Variants in CLCA2 observed in about 807,000 individuals in gnomAD.
CLCA2 encodes chloride channel accessory 2, also known as calcium-activated chloride channel regulator 2.
A neutral mutation model predicts 82.9 loss-of-function variants in CLCA2; 85 were observed. The ratio of observed to expected loss-of-function variants is 1.03; its 90% CI spans 0.86 to 1.23. CLCA2 has a LOEUF of 1.23. Ranked by LOEUF, CLCA2 falls within the 50% of genes most tolerant of loss-of-function variation. The pLI is 0.00. For synonymous variants in CLCA2, 421 were observed against 391.7 expected (o/e 1.07, Z -0.88); for missense variants, 1,089 against 1,124.8 (o/e 0.97, Z 0.45).
Position 86,455,953 on chromosome 1 carries a change from C to A in CLCA2, c.*426C>A, listed in dbSNP as rs751186001. The stretch of plus-strand genomic sequence containing the variant: ...CTGTGCAGAACAGGTTGCTTGTTTA[C>A]AACTGAAGATCATGCTATATTTTAT... On this transcript the variant is annotated 3_prime_UTR_variant, in exon 14 of 14. Coordinates refer to ENST00000370565, the MANE Select transcript of CLCA2 (RefSeq NM_006536.7). The A allele has an allele frequency of 6.6e-6, 1 of 152,334 alleles. No homozygotes were observed. The highest frequency in any genetic ancestry group is 1.5e-5 in the Non-Finnish European group (1 of 68,162). 9.4% of individuals were successfully genotyped at this position (152,334 alleles called of 1,614,324 possible).
chr1:86,449,841 T>G (rs1307744254), intron 11 of CLCA2, among the ~76,000 whole-genome samples: 1 of 152,194 alleles, frequency 6.6e-6, no homozygotes, highest in Non-Finnish European at 1.5e-5. Flanking sequence ...GGTCTAGGCC[T>G]TCCTGCCATT....
rs146993079 is a variant in CLCA2, at chr1:86,451,086, C to T, written c.2155+353C>T. 6.0e-3 allele frequency among the ~76,000 whole-genome samples: 912 copies of T among 152,116 alleles called. 5 individuals are homozygous for T. The highest frequency in any genetic ancestry group is 0.024 in the Middle Eastern group (7 of 294). On this transcript the variant is annotated intron_variant, in intron 12 of 13. Coordinates refer to ENST00000370565, the MANE Select transcript of CLCA2 (RefSeq NM_006536.7). Reference sequence around the variant, plus strand: ...TAGAGGTTTAGGCAAGAGAAAGAGGCAAAAAGTTATTAGCAGTTGAAAGAA... The same window carrying T: ...TAGAGGTTTAGGCAAGAGAAAGAGGTAAAAAGTTATTAGCAGTTGAAAGAA...
chr1:86,439,608 G>A (rs934618357), intron 7 of CLCA2, among the ~76,000 whole-genome samples: 1 of 152,150 alleles, frequency 6.6e-6, no homozygotes, highest in Non-Finnish European at 1.5e-5. Context: ...TTCAGCATCT[G>A]GGATGCTTAT....
chr1:86,428,680 A>T, intron 3 of CLCA2, 112 bp downstream of exon 3: 2 of 1,263,478 alleles, frequency 1.6e-6, no homozygotes, highest in Non-Finnish European at 2.2e-6. Context: ...AGGACTTACC[A>T]CTCAAAGGGG....
intron 5 of CLCA2, among the ~76,000 whole-genome samples, chr1:86,433,699 C>T (rs1662545038): frequency 6.6e-6 from 1 of 152,202 alleles, no homozygotes; most frequent in African/African-American, 2.4e-5. Context: ...AGTCCCTGCA[C>T]CTTCCTAAGA....
chr1:86,450,863 T>C (rs1026507127), intron 12 of CLCA2, 130 bp downstream of exon 12: 74 of 776,584 alleles, frequency 9.5e-5, no homozygotes, highest in Non-Finnish European at 1.3e-4. Context: ...CTTAAGTCCA[T>C]ACATAATTTG....
intron 5 of CLCA2, among the ~76,000 whole-genome samples, chr1:86,433,984 T>C (rs1662549889): frequency 1.6e-5 from 2 of 126,510 alleles, no homozygotes; most frequent in South Asian, 5.8e-4. Flanking sequence ...ATTATATCTA[T>C]ATTTCCAAAT....
intron 5 of CLCA2, 81 bp downstream of exon 5, chr1:86,432,609 T>G: frequency 6.7e-7 from 1 of 1,482,616 alleles, no homozygotes; most frequent in Non-Finnish European, 9.1e-7. Context: ...ATAAGATAAT[T>G]AAGATGCACT....
intron 11 of CLCA2, 40 bp from the exon 12 acceptor site, chr1:86,450,523 A>G (rs189675540): frequency 9.4e-6 from 14 of 1,494,256 alleles, no homozygotes; most frequent in African/African-American, 1.4e-5. Flanking sequence ...GTAATCTACT[A>G]TAATAACAAG....
chr1:86,435,616 A>G (rs536394021), intron 6 of CLCA2, among the ~76,000 whole-genome samples: 4 of 152,332 alleles, frequency 2.6e-5, no homozygotes, highest in East Asian at 1.9e-4. Context: ...TTCGTTATAA[A>G]GAGCATGATG....
At position 86,434,633 on chromosome 1, in the gene CLCA2, A is replaced by G; in HGVS notation, c.860A>G (p.His287Arg). ...DVITDSADFH[H>R]SFPMNGTELP... ...ATCACAGACTCTGCTGACTTTCACC[A>G]CAGCTTTCCCATGAATGGGACTGAG... The change falls in exon 6 of 14, where the codon CAC becomes CGC. Residue 287 changes from histidine (H) to arginine (R), a missense_variant. Transcript: ENST00000370565. 1.2e-6 allele frequency: 2 copies of G among 1,614,126 alleles called. No individual in the cohort carries two copies. The highest frequency in any genetic ancestry group is 2.2e-5 in the South Asian group (2 of 91,082).
chr1:86,442,191 T>C (rs532146434), intron 9 of CLCA2, among the ~76,000 whole-genome samples: 1 of 152,340 alleles, frequency 6.6e-6, no homozygotes, highest in South Asian at 2.1e-4. Context: ...ATGTGACCAA[T>C]GCAGCCTGTC....
chr1:86,433,749 C>T (rs1039454395), intron 5 of CLCA2, among the ~76,000 whole-genome samples: 3 of 152,172 alleles, frequency 2.0e-5, no homozygotes, highest in African/African-American at 7.2e-5. Flanking sequence ...TTCAAAGCTT[C>T]AGCTTTCTTT....
At chr1:86,449,003 A>G (rs755512517) in intron 11 of CLCA2, among the ~76,000 whole-genome samples, 11 of 152,350 alleles carry the variant, frequency 7.2e-5, no homozygotes, top group South Asian at 2.1e-4. Flanking sequence ...CCTTGGAACT[A>G]TTTTATTTGT....
In CLCA2 at chr1:86,431,588, T is replaced by A. The variant is rs57463755; in HGVS notation, c.584+618T>A. On this transcript the variant is annotated intron_variant, in intron 4 of 13. Coordinates refer to ENST00000370565, the MANE Select transcript of CLCA2 (RefSeq NM_006536.7). ...CTGATTCTTCTCCTACAATTGCCAC[T>A]GTTTTACATTCCTATCAACAACATT... Among the ~76,000 whole-genome samples the A allele has an allele frequency of 4.0e-3, 616 of 152,398 alleles. 4 individuals carry two copies. The highest frequency in any genetic ancestry group is 0.014 in the African/African-American group (592 of 41,600).
At chr1:86,429,945 C>T (rs1463438093) in intron 3 of CLCA2, among the ~76,000 whole-genome samples, 1 of 152,084 alleles carries the variant, frequency 6.6e-6, no homozygotes, top group Non-Finnish European at 1.5e-5. Context: ...TTCATCAGCA[C>T]TTCTAAATTT....
chr1:86,426,485 A>T (rs1286381695), intron 2 of CLCA2, among the ~76,000 whole-genome samples: 1 of 152,168 alleles, frequency 6.6e-6, no homozygotes, highest in Non-Finnish European at 1.5e-5. Flanking sequence ...GCCTGTGAAA[A>T]GCATTTGACC....
intron 13 of CLCA2, 88 bp from the exon 14 acceptor site, chr1:86,454,997 T>C (rs1222756959): frequency 4.2e-6 from 3 of 717,434 alleles, no homozygotes; most frequent in Non-Finnish European, 6.4e-6. Context: ...TTTTGACTTT[T>C]TGTTGCTGTT....
At chr1:86,426,657 T>C (rs569460542) in intron 2 of CLCA2, among the ~76,000 whole-genome samples, 1 of 152,302 alleles carries the variant, frequency 6.6e-6, no homozygotes, top group African/African-American at 2.4e-5. Context: ...GTTTCTGTGA[T>C]CACAAATTAA....
Sources: allele counts gnomAD v4.1 joint callset (sites outside exome capture counted in the v4.1 genomes callset), GRCh38; gene constraint gnomAD v4.1.1; transcripts MANE v1.5; gene names NCBI Gene and HGNC (gene_info 2026-07-23, HGNC 2026-07-21).